The following CNTN5 variants were observed in gnomAD, a reference collection of about 807,000 sequenced individuals.
The protein encoded by CNTN5 is contactin-5.
In CNTN5, 77 loss-of-function variants were observed where a neutral mutation model predicts 129.1. The observed-to-expected ratio is 0.60, with a 90% confidence interval of 0.50 to 0.72. The LOEUF (loss-of-function observed/expected upper bound fraction) is 0.72, where lower values mean the gene tolerates loss of function less well. CNTN5 is among the 30% of genes least tolerant of loss of function. The probability of loss-of-function intolerance (pLI) is 0.00; values close to 1 mark genes in which losing one functional copy is unlikely to be tolerated. For synonymous variants in CNTN5, 509 were observed against 465.6 expected (o/e 1.09, Z -1.20); for missense variants, 1,478 against 1,328.8 (o/e 1.11, Z -1.75).
At chr11:100,234,292 G>T (rs1038722186) in intron 16 of CNTN5, among the ~76,000 whole-genome samples, 1 of 152,100 alleles carries the variant, frequency 6.6e-6, no homozygotes, top group Non-Finnish European at 1.5e-5. Flanking sequence ...TCCCATCACT[G>T]GGTATATACC....
intron 1 of CNTN5, among the ~76,000 whole-genome samples, chr11:99,136,076 T>C (rs1350352246): frequency 6.6e-6 from 1 of 152,168 alleles, no homozygotes; most frequent in Non-Finnish European, 1.5e-5. Flanking sequence ...ACCTTCCTTT[T>C]GCCTTCTTCT....
chr11:99,820,978 G>T (rs113364220), intron 4 of CNTN5, among the ~76,000 whole-genome samples: 11 of 152,300 alleles, frequency 7.2e-5, no homozygotes, highest in African/African-American at 2.6e-4. Context: ...GCATTGTCTC[G>T]TAGTGTTGGC....
At chr11:99,992,015 G>A (rs888596) in intron 8 of CNTN5, among the ~76,000 whole-genome samples, 44,664 of 152,032 alleles carry the variant, frequency 0.29, 6,951 homozygotes, top group African/African-American at 0.38. Flanking sequence ...TGTCTCAAAC[G>A]AAGCAATGAA....
chr11:100,262,693 GA>G (rs2138752694), intron 17 of CNTN5, among the ~76,000 whole-genome samples: 1 of 152,172 alleles, frequency 6.6e-6, no homozygotes, highest in African/African-American at 2.4e-5. Context: ...CACAGGAACA[GA>G]AACCAAACAC....
intron 1 of CNTN5, among the ~76,000 whole-genome samples, chr11:99,081,987 A>G (rs1865819483): frequency 6.7e-6 from 1 of 148,264 alleles, no homozygotes; most frequent in Non-Finnish European, 1.5e-5. Context: ...TATGTAATGA[A>G]CTAACTACAA....
intron 3 of CNTN5, among the ~76,000 whole-genome samples, chr11:99,651,462 C>T (rs767329628): frequency 6.6e-6 from 1 of 151,878 alleles, no homozygotes; most frequent in Admixed American, 6.6e-5. Flanking sequence ...TGATCCAAAG[C>T]ACATTTAAAT....
intron 2 of CNTN5, among the ~76,000 whole-genome samples, chr11:99,539,094 CT>C (rs1948004221): frequency 6.6e-6 from 1 of 151,904 alleles, no homozygotes; most frequent in South Asian, 2.1e-4. Context: ...GATATGCAAG[CT>C]TTATTCATAG....
At chr11:100,186,451 A>C (rs1434942553) in intron 13 of CNTN5, among the ~76,000 whole-genome samples, 2 of 152,112 alleles carry the variant, frequency 1.3e-5, no homozygotes, top group Admixed American at 1.3e-4. Flanking sequence ...AGGCAAAATA[A>C]GTCAATAATA....
chr11:99,862,218 C>T (rs1388356482), intron 6 of CNTN5, among the ~76,000 whole-genome samples: 1 of 152,186 alleles, frequency 6.6e-6, no homozygotes, highest in African/African-American at 2.4e-5. Flanking sequence ...AAATACATTT[C>T]AGCATGACAA....
intron 1 of CNTN5, among the ~76,000 whole-genome samples, chr11:99,138,494 A>T (rs148968187): frequency 6.6e-6 from 1 of 152,296 alleles, no homozygotes; most frequent in African/African-American, 2.4e-5. Flanking sequence ...TTCTTAAACC[A>T]AGATAATTTT....
chr11:99,962,670 C>G (rs1336654040), intron 8 of CNTN5, among the ~76,000 whole-genome samples: 3 of 150,490 alleles, frequency 2.0e-5, no homozygotes, highest in African/African-American at 2.5e-5. Flanking sequence ...TGGTTATATA[C>G]CCAGTAATGG....
At chr11:100,147,610 A>T (rs1260838930) in intron 13 of CNTN5, among the ~76,000 whole-genome samples, 1 of 151,750 alleles carries the variant, frequency 6.6e-6, no homozygotes, top group East Asian at 1.9e-4. Flanking sequence ...GGAGCCTTAT[A>T]TTTTTTTGTC....
At chr11:99,689,641 A>G (rs893339142) in intron 3 of CNTN5, among the ~76,000 whole-genome samples, 1 of 147,776 alleles carries the variant, frequency 6.8e-6, no homozygotes, top group East Asian at 2.1e-4. Context: ...GTGAGATGGT[A>G]TCTCATTGTG....
intron 3 of CNTN5, among the ~76,000 whole-genome samples, chr11:99,617,499 T>A (rs554671475): frequency 6.6e-6 from 1 of 152,192 alleles, no homozygotes; most frequent in Non-Finnish European, 1.5e-5. Flanking sequence ...TATTAGTCCA[T>A]AGAAAAGTGA....
chr11:99,980,808 T>C (rs1482332095), intron 8 of CNTN5, among the ~76,000 whole-genome samples: 1 of 151,968 alleles, frequency 6.6e-6, no homozygotes, highest in Non-Finnish European at 1.5e-5. Flanking sequence ...AAGACAAAAT[T>C]GATTCTTTTA....
chr11:99,896,894 C>T (rs570373269), intron 6 of CNTN5, among the ~76,000 whole-genome samples: 6 of 152,214 alleles, frequency 3.9e-5, no homozygotes, highest in African/African-American at 1.2e-4. Context: ...GACCCAGAGC[C>T]CTGTTAAAAA....
rs544055589 is a variant in CNTN5, at chr11:100,038,864, C to A, written c.981-22348C>A. 2.0e-5 allele frequency among the ~76,000 whole-genome samples: 3 copies of A among 152,234 alleles called. No individual in the cohort carries two copies. In the South Asian group the frequency reaches 6.2e-4, roughly 32 times the overall value. ...CTTTATTTTGAGCCTGTGTATGTGT[C>A]TGCACGTGAGGTGGGTTTCCTGAAT... On this transcript the variant is annotated intron_variant, in intron 9 of 24. Coordinates refer to ENST00000524871, the MANE Select transcript of CNTN5 (RefSeq NM_014361.4).
chr11:99,581,028 T>G (rs1413676954), intron 3 of CNTN5, among the ~76,000 whole-genome samples: 1,860 of 149,406 alleles, frequency 0.012, 32 homozygotes, highest in African/African-American at 0.041. Flanking sequence ...TCTGGTATGT[T>G]GTGTCTTTGT....
intron 7 of CNTN5, among the ~76,000 whole-genome samples, chr11:99,935,093 A>T (rs565180797): frequency 6.6e-6 from 1 of 151,124 alleles, no homozygotes; most frequent in Non-Finnish European, 1.5e-5. Context: ...ATGTATATCT[A>T]TATCAATATA....
Sources: allele counts gnomAD v4.1 joint callset (sites outside exome capture counted in the v4.1 genomes callset), GRCh38; gene constraint gnomAD v4.1.1; transcripts MANE v1.5; gene names NCBI Gene and HGNC (gene_info 2026-07-23, HGNC 2026-07-21).